Variants in COL13A1 observed in about 807,000 individuals in gnomAD.
The protein encoded by COL13A1 is collagen type XIII alpha 1 chain, also known as collagen alpha-1(XIII) chain.
A neutral mutation model predicts 130.9 loss-of-function variants in COL13A1; 89 were observed. That is an observed-to-expected ratio of 0.68 (90% CI 0.57 to 0.81). The LOEUF (loss-of-function observed/expected upper bound fraction) is 0.81, where lower values mean the gene tolerates loss of function less well. COL13A1 is among the 30% of genes least tolerant of loss of function. The pLI is 0.00. For missense variants in COL13A1, 879 were observed against 934.6 expected (o/e 0.94, Z 0.78); for synonymous variants, 402 against 341.6 (o/e 1.18, Z -1.95).
chr10:69,916,639 T>C (rs1455350112), intron 17 of COL13A1, among the ~76,000 whole-genome samples: 2 of 152,052 alleles, frequency 1.3e-5, no homozygotes, highest in Non-Finnish European at 2.9e-5. Context: ...GCCACGATGG[T>C]AGAGCGACCC....
chr10:69,884,140 C>A (rs1285134676), intron 7 of COL13A1, among the ~76,000 whole-genome samples: 2 of 152,092 alleles, frequency 1.3e-5, no homozygotes, highest in Non-Finnish European at 2.9e-5. Context: ...CCGTAAAGTC[C>A]AATGGGAACT....
intron 17 of COL13A1, among the ~76,000 whole-genome samples, chr10:69,907,032 G>T (rs2062836119): frequency 6.6e-6 from 1 of 152,126 alleles, no homozygotes; most frequent in African/African-American, 2.4e-5. Context: ...CCCAGTTATG[G>T]CCATTTTTAA....
chr10:69,830,868 C>G (rs895638779), intron 2 of COL13A1, among the ~76,000 whole-genome samples: 1 of 152,122 alleles, frequency 6.6e-6, no homozygotes, highest in African/African-American at 2.4e-5. Context: ...AAAAAGAAAC[C>G]CCATTCCTTT....
At chr10:69,834,103 A>G (rs1019138291) in intron 2 of COL13A1, among the ~76,000 whole-genome samples, 1 of 152,136 alleles carries the variant, frequency 6.6e-6, no homozygotes, top group African/African-American at 2.4e-5. Context: ...TTTTCCATGT[A>G]TGGGGATGGG....
chr10:69,906,718 G>T (rs1191280583), intron 17 of COL13A1, among the ~76,000 whole-genome samples: 1 of 151,832 alleles, frequency 6.6e-6, no homozygotes. Context: ...TTGTTTGTTT[G>T]TTTGTTTTTT....
intron 2 of COL13A1, among the ~76,000 whole-genome samples, chr10:69,833,332 T>C (rs1486229718): frequency 1.3e-5 from 2 of 152,172 alleles, no homozygotes; most frequent in Admixed American, 6.5e-5. Context: ...ACCTCTCCAC[T>C]CCTCACCTCA....
chr10:69,956,839 CCTT>C, intron 39 of COL13A1, 162 bp from the exon 40 acceptor site: 2 of 611,456 alleles, frequency 3.3e-6, no homozygotes, highest in African/African-American at 1.8e-5. Flanking sequence ...GTTTCCACCT[CCTT>C]CTGAGGTTCT....
chr10:69,894,216 G>T (rs2061434189), intron 10 of COL13A1, among the ~76,000 whole-genome samples: 1 of 152,244 alleles, frequency 6.6e-6, no homozygotes, highest in Non-Finnish European at 1.5e-5. Context: ...TCTCCCAGAG[G>T]CTTGATGCAT....
At chr10:69,831,911 G>A (rs548198560) in intron 2 of COL13A1, among the ~76,000 whole-genome samples, 2 of 152,198 alleles carry the variant, frequency 1.3e-5, no homozygotes, top group African/African-American at 2.4e-5. Context: ...GGGAATGACA[G>A]CACCTACCTT....
chr10:69,866,445 C>A (rs1192423151), intron 2 of COL13A1, among the ~76,000 whole-genome samples: 1 of 152,210 alleles, frequency 6.6e-6, no homozygotes, highest in African/African-American at 2.4e-5. Context: ...GAGGACATCT[C>A]CCCCAGCCAG....
rs1425795945 is a variant in COL13A1 at position 69,921,916 on chromosome 10, C to T, written c.1124C>T (p.Pro375Leu). Residue 375 changes from proline (P) to leucine (L), a missense_variant, in exon 22 of 41, where the codon CCT becomes CTT. By Grantham distance (98) the Pro-to-Leu change is moderately conservative (BLOSUM62 -3). This residue lies in a region of COL13A1 where 715 missense variants were observed against 721.0 expected (regional missense o/e 0.99). Coordinates refer to ENST00000645393, the MANE Select transcript of COL13A1 (RefSeq NM_001368882.1). The stretch of plus-strand genomic sequence containing the variant: ...GGGGCTGAAGGCTCCCCTGGGCTTC[C>T]TGGCCTCCTGGGGCAGAAGGTAGGT... Reference protein sequence around the residue: ...EKGAEGSPGLPGLLGQKGEKG... With the variant: ...EKGAEGSPGLLGLLGQKGEKG... 1.2e-6 allele frequency: 2 copies of T among 1,606,684 alleles called. No individual in the cohort carries two copies. The highest frequency in any genetic ancestry group is 1.3e-5 in the African/African-American group (1 of 74,932).
chr10:69,933,167 A>AAAAAAAAAAAAAAAAAAAAAAC (rs2066379770), intron 31 of COL13A1, among the ~76,000 whole-genome samples: 1 of 118,432 alleles, frequency 8.4e-6, no homozygotes, highest in Non-Finnish European at 1.8e-5. Flanking sequence ...AAAAAAAAAA[A>AAAAAAAAAAAAAAAAAAAAAAC]CAGAACCATC....
intron 1 of COL13A1, among the ~76,000 whole-genome samples, chr10:69,817,163 A>G (rs1844771379): frequency 6.6e-6 from 1 of 152,130 alleles, no homozygotes; most frequent in South Asian, 2.1e-4. Context: ...TGTCTCACAC[A>G]GCCTCAAATA....
At chr10:69,846,840 T>C (rs933341011) in intron 2 of COL13A1, among the ~76,000 whole-genome samples, 2 of 152,274 alleles carry the variant, frequency 1.3e-5, no homozygotes, top group African/African-American at 4.8e-5. Context: ...AGCCGGGGTG[T>C]GCAGACACGT....
intron 31 of COL13A1, among the ~76,000 whole-genome samples, chr10:69,933,999 G>A (rs1452004668): frequency 3.3e-5 from 5 of 151,936 alleles, no homozygotes; most frequent in East Asian, 1.9e-4. Context: ...AGTTGAAAAC[G>A]AAATTTTATA....
intron 34 of COL13A1, among the ~76,000 whole-genome samples, chr10:69,938,648 A>G (rs2067248604): frequency 6.6e-6 from 1 of 152,222 alleles, no homozygotes; most frequent in Non-Finnish European, 1.5e-5. Flanking sequence ...CATAAAGAGC[A>G]GAGAAACAAT....
In COL13A1 at chr10:69,930,406, C is replaced by A. The variant is rs1321950704; in HGVS notation, c.1537C>A (p.Arg513Ser). 1.2e-6 allele frequency: 2 copies of A among 1,603,820 alleles called. No homozygotes were observed. The highest frequency in any genetic ancestry group is 3.4e-4 in the Middle Eastern group (2 of 5,970). Residue 513 changes from arginine to serine, a missense_variant, in exon 30 of 41, where the codon CGC becomes AGC. Arg to Ser is a moderately radical substitution (Grantham distance 110). Around this residue, in one of 3 missense-constraint regions of COL13A1, gnomAD observed 715 missense variants for 721.0 expected, o/e 0.99. Transcript: ENST00000645393. ...TTTTTGGTATTTTCTAAAGGGACCT[C>A]GCGGTAAACCAGGAGACATGGGCCC... ...PPGHDGEKGPRGKPGDMGPPG... is the reference protein window; with the variant it reads ...PPGHDGEKGPSGKPGDMGPPG...
intron 38 of COL13A1, among the ~76,000 whole-genome samples, chr10:69,951,069 G>A (rs879451812): frequency 2.0e-5 from 3 of 151,940 alleles, no homozygotes; most frequent in South Asian, 2.1e-4. Flanking sequence ...GGCTGGTCTC[G>A]AACTCCTGAC....
chr10:69,816,489 C>T (rs770078784), intron 1 of COL13A1, among the ~76,000 whole-genome samples: 3 of 151,662 alleles, frequency 2.0e-5, no homozygotes, highest in African/African-American at 2.4e-5. Flanking sequence ...GGTTGGAGGG[C>T]GTCATTCTGC....
Sources: gnomAD v4.1 joint callset for allele counts (sites outside exome capture counted in the v4.1 genomes callset) on GRCh38, gnomAD v4.1.1 for gene constraint, gnomAD v4.1.1 regional missense constraint, MANE v1.5 for transcripts, NCBI Gene and HGNC (gene_info 2026-07-23, HGNC 2026-07-21) for gene names.